MCC: variants seen among roughly 807,000 people sequenced by gnomAD.
The protein encoded by MCC is MCC regulator of Wnt signaling pathway.
A neutral mutation model predicts 116.2 loss-of-function variants in MCC; 90 were observed. That is an observed-to-expected ratio of 0.77 (90% CI 0.65 to 0.92). The LOEUF (loss-of-function observed/expected upper bound fraction) is 0.92, where lower values mean the gene tolerates loss of function less well. Among genes scored for constraint, MCC ranks in the 40% least tolerant of loss-of-function variants. The probability of loss-of-function intolerance (pLI) is 0.00; values close to 1 mark genes in which losing one functional copy is unlikely to be tolerated. For synonymous variants in MCC, 578 were observed against 510.5 expected, an observed-to-expected ratio of 1.13 and a Z score of -1.78; for missense variants, 1,516 against 1,312.2, an observed-to-expected ratio of 1.16 and a Z score of -2.40.
intron 3 of MCC, among the ~76,000 whole-genome samples, chr5:113,156,231 C>G (rs1324627238): frequency 6.6e-6 from 1 of 152,206 alleles, no homozygotes; most frequent in Non-Finnish European, 1.5e-5. Flanking sequence ...GCAAATGAAG[C>G]TGATCTAATC....
chr5:113,470,779 C>A (rs970977966), intron 1 of MCC, among the ~76,000 whole-genome samples: 1 of 143,710 alleles, frequency 7.0e-6, no homozygotes, highest in African/African-American at 2.6e-5. Flanking sequence ...CAGTGTTTTC[C>A]AACTTGGTTC....
intron 8 of MCC, among the ~76,000 whole-genome samples, chr5:113,097,916 A>T (rs780177966): frequency 7.2e-5 from 11 of 152,222 alleles, no homozygotes; most frequent in Non-Finnish European, 1.6e-4. Flanking sequence ...CCAGGATGAG[A>T]GAGGCCCAGG....
At chr5:113,121,832 C>T (rs1364977233) in intron 6 of MCC, among the ~76,000 whole-genome samples, 2 of 150,830 alleles carry the variant, frequency 1.3e-5, no homozygotes. Flanking sequence ...ATATGCTGCT[C>T]CTCCCTCTTT....
chr5:113,141,417 A>G (rs1759173939), intron 5 of MCC, among the ~76,000 whole-genome samples: 1 of 152,100 alleles, frequency 6.6e-6, no homozygotes, highest in Non-Finnish European at 1.5e-5. Context: ...TTCCTAATAA[A>G]TCCCCTTTCA....
At position 113,112,793 on chromosome 5, in the gene MCC, A is replaced by G. The variant is rs557705678; in HGVS notation, c.1028-8438T>C. ...ATGTGCTCTACAAACACTGGATGAG[A>G]TTAACATGTAAAATAAATGGAAGAC... is the stretch of plus-strand genomic sequence containing the variant. On this transcript the variant is annotated intron_variant, in intron 6 of 18. Coordinates refer to ENST00000408903, the MANE Select transcript of MCC (RefSeq NM_001085377.2). 2.6e-5 allele frequency among the ~76,000 whole-genome samples: 4 copies of G among 152,358 alleles called. No individual in the cohort carries two copies. The South Asian group carries it at 8.3e-4, about 32-fold the overall frequency.
At chr5:113,248,318 C>A (rs1764653023) in intron 3 of MCC, among the ~76,000 whole-genome samples, 1 of 151,152 alleles carries the variant, frequency 6.6e-6, no homozygotes, top group Admixed American at 6.6e-5. Flanking sequence ...ATTAAATGCC[C>A]AAGGAATCAA....
intron 5 of MCC, among the ~76,000 whole-genome samples, chr5:113,137,988 TA>T (rs1758940720): frequency 6.6e-6 from 1 of 151,938 alleles, no homozygotes; most frequent in Non-Finnish European, 1.5e-5. Flanking sequence ...GAGAGTCTTC[TA>T]GGGTAGTCAC....
At chr5:113,146,135 C>T (rs955506712) in intron 4 of MCC, among the ~76,000 whole-genome samples, 3 of 152,072 alleles carry the variant, frequency 2.0e-5, no homozygotes, top group Non-Finnish European at 4.4e-5. Context: ...AAATAGCATA[C>T]AATGTAGTAC....
intron 3 of MCC, among the ~76,000 whole-genome samples, chr5:113,153,764 C>T (rs1470982247): frequency 6.6e-6 from 1 of 152,336 alleles, no homozygotes; most frequent in South Asian, 2.1e-4. Flanking sequence ...TGTGACCCCA[C>T]ATCAGTTTCA....
chr5:113,422,968 C>T (rs1770380932), intron 1 of MCC, among the ~76,000 whole-genome samples: 1 of 152,154 alleles, frequency 6.6e-6, no homozygotes, highest in South Asian at 2.1e-4. Flanking sequence ...TGCAAACTTG[C>T]CTACTCAGTA....
At chr5:113,443,201 G>A (rs1771099244) in intron 1 of MCC, among the ~76,000 whole-genome samples, 1 of 152,130 alleles carries the variant, frequency 6.6e-6, no homozygotes, top group Non-Finnish European at 1.5e-5. Context: ...TCTCCTTGAA[G>A]AGGTCCTTCA....
At chr5:113,172,973 T>G (rs1359250780) in intron 3 of MCC, among the ~76,000 whole-genome samples, 1 of 152,210 alleles carries the variant, frequency 6.6e-6, no homozygotes, top group Non-Finnish European at 1.5e-5. Context: ...CATGAATTTG[T>G]TTTTTAATTG....
intron 11 of MCC, among the ~76,000 whole-genome samples, chr5:113,076,199 T>A (rs189217958): frequency 3.9e-5 from 6 of 152,242 alleles, no homozygotes; most frequent in Non-Finnish European, 8.8e-5. Context: ...GACCTGAAAG[T>A]GATGGGGAGA....
In MCC at chr5:113,024,458, A is replaced by G. The variant is rs987978736; in HGVS notation, c.*2844T>C. On this transcript the variant is annotated 3_prime_UTR_variant, in exon 19 of 19. Transcript: ENST00000408903. ...GTTTGCCTCAGTCCAACAATGGGAA[A>G]TATATTCCAAGGGAACTGTGAAATG... 6.6e-6 allele frequency: 1 copy of G among 152,212 alleles called. No homozygotes were observed. Among genetic ancestry groups the G allele is most frequent in the African/African-American group, 2.4e-5 (1 of 41,450 alleles). The allele number at this position is 152,212 out of a possible 1,614,324, so 9.4% of individuals were successfully genotyped here.
intron 2 of MCC, among the ~76,000 whole-genome samples, chr5:113,372,741 G>C (rs1021055178): frequency 4.6e-5 from 7 of 152,122 alleles, no homozygotes; most frequent in Non-Finnish European, 8.8e-5. Flanking sequence ...ACCCAGGCTG[G>C]AGCGCAGTGG....
intron 14 of MCC, among the ~76,000 whole-genome samples, chr5:113,060,340 C>T (rs1008419410): frequency 1.3e-5 from 2 of 152,024 alleles, no homozygotes; most frequent in African/African-American, 2.4e-5. Context: ...TTTTTAATAG[C>T]AACAGGATTT....
intron 3 of MCC, among the ~76,000 whole-genome samples, chr5:113,208,026 T>C (rs1423350861): frequency 6.6e-6 from 1 of 152,064 alleles, no homozygotes; most frequent in Admixed American, 6.6e-5. Flanking sequence ...TTGTCAAAGG[T>C]AGCACAGATA....
intron 5 of MCC, among the ~76,000 whole-genome samples, chr5:113,138,878 C>A (rs938468339): frequency 1.3e-5 from 2 of 152,176 alleles, no homozygotes. Context: ...ATGATTGATA[C>A]ATCTTCCCCT....
rs553794593 is a variant in MCC at position 113,178,147 on chromosome 5, G to A, written c.628-26725C>T. Among the ~76,000 whole-genome samples the A allele has an allele frequency of 1.6e-4, 25 of 152,136 alleles. 1 individual carries two copies. Among genetic ancestry groups the A allele is most frequent in the Admixed American group, 1.4e-3 (22 of 15,274 alleles). On this transcript the variant is annotated intron_variant, in intron 3 of 18. Transcript: ENST00000408903. ...GGAAGGGAAGAGAAGCTGCAGAAATGGTATTTAGAATGCGTTCCTGAATGA... is the reference window on the plus strand; with the variant it reads ...GGAAGGGAAGAGAAGCTGCAGAAATAGTATTTAGAATGCGTTCCTGAATGA...
Sources: gnomAD v4.1 joint callset for allele counts (sites outside exome capture counted in the v4.1 genomes callset) on GRCh38, gnomAD v4.1.1 for gene constraint, MANE v1.5 for transcripts, NCBI Gene and HGNC (gene_info 2026-07-23, HGNC 2026-07-21) for gene names.